The following HTT variants were observed in gnomAD, a reference collection of about 807,000 sequenced individuals.
HTT encodes huntington disease protein.
Under a neutral mutation model 362.3 loss-of-function variants are expected in HTT, and 104 were observed. That is an observed-to-expected ratio of 0.29 (90% CI 0.24 to 0.34). HTT has a LOEUF of 0.34. Among genes scored for constraint, HTT ranks in the 10% least tolerant of loss-of-function variants. The probability of loss-of-function intolerance (pLI) is 1.00; values close to 1 mark genes in which losing one functional copy is unlikely to be tolerated. For synonymous variants in HTT, 1,577 were observed against 1,548.7 expected (o/e 1.02, Z -0.43); for missense variants, 3,301 against 3,928.6 (o/e 0.84, Z 4.27).
rs1263629182 is a variant in HTT at position 3,103,892 on chromosome 4, T to C, written c.528+9T>C. 4 of 1,566,518 alleles carry C rather than the reference T, an allele frequency of 2.6e-6. No individual in the cohort carries two copies. The African/African-American group carries it at 4.1e-5, about 16-fold the overall frequency. ...ATAAGGAAATTAAAAAGGTGGGCCT[T>C]GCTTTTCTTTTTTAAAAATGTTTTA... is the stretch of plus-strand genomic sequence containing the variant. On this transcript the variant is annotated intron_variant, in intron 4 of 66. Coordinates refer to ENST00000355072, the MANE Select transcript of HTT (RefSeq NM_001388492.1).
chr4:3,165,298 C>G (rs1001421830), intron 29 of HTT, among the ~76,000 whole-genome samples: 6 of 152,182 alleles, frequency 3.9e-5, no homozygotes, highest in African/African-American at 1.2e-4. Flanking sequence ...TGCTGTTAGT[C>G]TGATGGGCTT....
chr4:3,204,364 G>C (rs1407712008), intron 42 of HTT, among the ~76,000 whole-genome samples: 3 of 152,208 alleles, frequency 2.0e-5, no homozygotes, highest in Admixed American at 6.5e-5. Flanking sequence ...AAGTTGGACT[G>C]TGAGAGTTTT....
chr4:3,237,786 G>A (rs985818570), intron 64 of HTT, among the ~76,000 whole-genome samples: 7 of 152,164 alleles, frequency 4.6e-5, no homozygotes, highest in African/African-American at 1.2e-4. Flanking sequence ...AGACGGGAAC[G>A]TGATGGTTGC....
In HTT at chr4:3,129,992, A is replaced by G. The variant is rs374816196; in HGVS notation, c.1812A>G (p.Glu604=). The change falls in exon 13 of 67, where the codon GAA becomes GAG. Residue 604 remains glutamate (E), a synonymous_variant. Coordinates refer to ENST00000355072, the MANE Select transcript of HTT (RefSeq NM_001388492.1). ...GACAGCCCCAGGATGAAGATGAGGA[A>G]GCCACAGGTATTCTTCCTGATGAAG... ...QIGQPQDEDE[E]ATGILPDEAS... 24 of 1,613,862 alleles carry G rather than the reference A, an allele frequency of 1.5e-5. No individual in the cohort carries two copies. The highest frequency in any genetic ancestry group is 2.0e-5 in the Non-Finnish European group (24 of 1,179,936).
intron 8 of HTT, 55 bp from the exon 9 acceptor site, chr4:3,121,173 C>A: frequency 7.5e-7 from 1 of 1,342,170 alleles, no homozygotes; most frequent in Non-Finnish European, 1.1e-6. Flanking sequence ...AAAAGTGAAG[C>A]TTAGGATGCA....
intron 42 of HTT, among the ~76,000 whole-genome samples, chr4:3,204,766 G>A (rs1452788743): frequency 6.6e-6 from 1 of 152,114 alleles, no homozygotes; most frequent in African/African-American, 2.4e-5. Context: ...CTGGGAGTTC[G>A]AGACCAGCCT....
intron 64 of HTT, among the ~76,000 whole-genome samples, chr4:3,236,957 G>A (rs1004914022): frequency 5.3e-5 from 8 of 152,182 alleles, no homozygotes; most frequent in Non-Finnish European, 8.8e-5. Flanking sequence ...GGTGGCCAGT[G>A]GGGAGCCATT....
At chr4:3,208,979 C>T in intron 46 of HTT, 68 bp downstream of exon 46, 12 of 1,493,740 alleles carry the variant, frequency 8.0e-6, no homozygotes, top group Non-Finnish European at 1.1e-5. Context: ...GTGGCAGATA[C>T]AGAGAGTGCA....
intron 13 of HTT, 30 bp from the exon 14 acceptor site, chr4:3,130,275 C>A: frequency 7.6e-7 from 1 of 1,320,976 alleles, no homozygotes; most frequent in South Asian, 1.4e-5. Context: ...GGAAATTTGT[C>A]ACTTAATCTT....
chr4:3,178,142 C>T (rs1718322287), intron 34 of HTT, among the ~76,000 whole-genome samples, 156 bp from the exon 35 acceptor site: 1 of 152,212 alleles, frequency 6.6e-6, no homozygotes, highest in African/African-American at 2.4e-5. Flanking sequence ...AGATGGGATG[C>T]ACTGTGGCAG....
intron 40 of HTT, among the ~76,000 whole-genome samples, chr4:3,192,546 C>T (rs1221892881): frequency 1.3e-5 from 2 of 152,080 alleles, no homozygotes; most frequent in Non-Finnish European, 2.9e-5. Flanking sequence ...TCCACATGGG[C>T]CAAATGGGAG....
intron 40 of HTT, among the ~76,000 whole-genome samples, chr4:3,191,274 A>G (rs1175480141): frequency 6.6e-6 from 1 of 151,888 alleles, no homozygotes; most frequent in East Asian, 1.9e-4. Context: ...CCCAGGTTCA[A>G]GCAATTCTCC....
At position 3,204,100 on chromosome 4, in the gene HTT, T is replaced by C. The variant is rs1334718542; in HGVS notation, c.5670T>C (p.Asn1890=). Residue 1890 remains asparagine (N), a synonymous_variant, in exon 42 of 67, where the codon AAT becomes AAC. Transcript: ENST00000355072. ...SDLAAKLGMC[N]REIVRRGALI... ...TGGCAGCCAAACTTGGAATGTGCAA[T>C]AGAGAAATAGTACGAAGAGGGGCTC... is the stretch of plus-strand genomic sequence containing the variant. 6.2e-7 allele frequency: 1 copy of C among 1,614,178 alleles called. No individual in the cohort carries two copies. Among genetic ancestry groups the C allele is most frequent in the Non-Finnish European group, 8.5e-7 (1 of 1,180,004 alleles).
intron 17 of HTT, 35 bp downstream of exon 17, chr4:3,132,755 T>C: frequency 6.2e-7 from 1 of 1,613,578 alleles, no homozygotes; most frequent in Non-Finnish European, 8.5e-7. Flanking sequence ...TTTTTTCTAG[T>C]TATGCTTACT....
At position 3,131,292 on chromosome 4, in the gene HTT, C is replaced by G. The variant is rs748665877; in HGVS notation, c.1993C>G (p.Arg665Gly). The G allele has an allele frequency of 6.2e-7, 1 of 1,610,772 alleles. No individual in the cohort carries two copies. The highest frequency in any genetic ancestry group is 1.1e-5 in the South Asian group (1 of 91,018). ...GTCATTGTCTCCTTTCTAGCCTTGC[C>G]GCATCAAAGGTGACATTGGACAGTC... Reference protein sequence around the residue: ...EPGDQENKPCRIKGDIGQSTD... With the variant: ...EPGDQENKPCGIKGDIGQSTD... The change falls in exon 15 of 67, where the codon CGC becomes GGC. Residue 665 changes from arginine (R) to glycine (G), a missense_variant. Coordinates refer to ENST00000355072, the MANE Select transcript of HTT (RefSeq NM_001388492.1).
chr4:3,148,351 C>T (rs530713978), intron 26 of HTT, 144 bp downstream of exon 26: 3 of 650,050 alleles, frequency 4.6e-6, no homozygotes, highest in Admixed American at 3.0e-5. Context: ...CTAAATTTAA[C>T]ATCAAAATGT....
At chr4:3,104,262 G>C (rs1324441271) in intron 4 of HTT, among the ~76,000 whole-genome samples, 1 of 151,942 alleles carries the variant, frequency 6.6e-6, no homozygotes, top group Non-Finnish European at 1.5e-5. Flanking sequence ...GCCTCCCAAA[G>C]TGTTGGGATT....
intron 49 of HTT, 170 bp downstream of exon 49, chr4:3,212,879 T>C: frequency 1.4e-6 from 1 of 703,128 alleles, no homozygotes; most frequent in Non-Finnish European, 2.3e-6. Context: ...GTAGCCATCC[T>C]TCACCCTCAC....
At chr4:3,196,773 T>C (rs1392489469) in intron 40 of HTT, among the ~76,000 whole-genome samples, 2 of 151,674 alleles carry the variant, frequency 1.3e-5, no homozygotes, top group East Asian at 3.9e-4. Flanking sequence ...TACTTCACCG[T>C]AGCGAAACAT....
Sources: allele counts gnomAD v4.1 joint callset (sites outside exome capture counted in the v4.1 genomes callset), GRCh38; gene constraint gnomAD v4.1.1; transcripts MANE v1.5; gene names NCBI Gene and HGNC (gene_info 2026-07-23, HGNC 2026-07-21).